Variants in ANKRD45 observed in about 807,000 individuals in gnomAD.
ANKRD45 encodes ankyrin repeat domain-containing protein 45.
In ANKRD45, 21 loss-of-function variants were observed where a neutral mutation model predicts 28.1. The observed-to-expected ratio is 0.75, with a 90% CI of 0.53 to 1.08. The LOEUF is 1.08. Among genes scored for constraint, ANKRD45 ranks in the 50% least tolerant of loss-of-function variants. The probability of loss-of-function intolerance (pLI) is 0.00; values close to 1 mark genes in which losing one functional copy is unlikely to be tolerated. For synonymous variants in ANKRD45, 86 were observed against 103.9 expected, an observed-to-expected ratio of 0.83 and a Z score of 1.05; for missense variants, 261 against 308.7, an observed-to-expected ratio of 0.85 and a Z score of 1.16.
chr1:173,639,313 C>T (rs577109760), intron 3 of ANKRD45, among the ~76,000 whole-genome samples: 1 of 152,178 alleles, frequency 6.6e-6, no homozygotes, highest in Non-Finnish European at 1.5e-5. Context: ...TTTTCTTTCA[C>T]AAGTCAGGGA....
At position 173,659,425 on chromosome 1, in the gene ANKRD45, C is replaced by T. The variant is rs1263195103; in HGVS notation, c.-7G>A. On this transcript the variant is annotated 5_prime_UTR_variant, in exon 2 of 6. It introduces an in-frame stop codon into an upstream open reading frame of the 5' UTR. Coordinates refer to ENST00000333279, the MANE Select transcript of ANKRD45 (RefSeq NM_198493.3). ...GAGGTCCTTCTGACTCCATTAACTC[C>T]AAAAATACCTATGACCAAAAAAATA... The T allele has an allele frequency of 6.6e-7, 1 of 1,520,624 alleles. No individual in the cohort carries two copies. Among genetic ancestry groups the T allele is most frequent in the African/African-American group, 1.4e-5 (1 of 71,728 alleles). 94.2% of individuals were successfully genotyped at this position (1,520,624 alleles called of 1,614,324 possible). A position where few individuals can be genotyped will look rare whatever the true frequency, so the allele number is the denominator to read the frequency against.
intron 5 of ANKRD45, among the ~76,000 whole-genome samples, chr1:173,615,166 C>T (rs1415387300): frequency 1.3e-5 from 2 of 151,934 alleles, no homozygotes; most frequent in Non-Finnish European, 2.9e-5. Context: ...CGCGGTGGCT[C>T]ACAAGGTCAG....
chr1:173,677,184 A>T, the ANKRD45 span, among the ~76,000 whole-genome samples: 7,619 of 146,466 alleles, frequency 0.052, 181 homozygotes, highest in East Asian at 0.077. Context: ...GAAGGATTTT[A>T]AAAAAAAAAA....
At chr1:173,636,574 T>G (rs1042131952) in intron 3 of ANKRD45, among the ~76,000 whole-genome samples, 5 of 152,172 alleles carry the variant, frequency 3.3e-5, no homozygotes, top group African/African-American at 1.2e-4. Context: ...ACCCTAAACA[T>G]AGGACACACT....
intron 3 of ANKRD45, chr1:173,635,523 T>C: frequency 2.6e-6 from 4 of 1,513,346 alleles, no homozygotes; most frequent in Non-Finnish European, 3.5e-6. Context: ...CAAAGAAGGA[T>C]GTCTAATCAA....
rs574403260 is a variant in ANKRD45, at chr1:173,652,893, T to C, written c.329-5880A>G. Among the ~76,000 whole-genome samples, 19 of 152,364 alleles carry C rather than the reference T, an allele frequency of 1.2e-4. No homozygotes were observed. In the East Asian group the frequency reaches 3.3e-3, roughly 26 times the overall value. Reference sequence around the variant, plus strand: ...TCTAGTTTATTTGTGTAGAGGTGTTTATAGTATTGACTGATGGTAGTTTGT... The same window carrying C: ...TCTAGTTTATTTGTGTAGAGGTGTTCATAGTATTGACTGATGGTAGTTTGT... On this transcript the variant is annotated intron_variant, in intron 2 of 5. Coordinates refer to ENST00000333279, the MANE Select transcript of ANKRD45 (RefSeq NM_198493.3).
chr1:173,654,164 G>A (rs981028651), intron 2 of ANKRD45, among the ~76,000 whole-genome samples: 11 of 152,036 alleles, frequency 7.2e-5, no homozygotes, highest in African/African-American at 2.2e-4. Context: ...TATTTTGCCT[G>A]TTAGTTGATG....
At position 173,635,934 on chromosome 1, in the gene ANKRD45, G is replaced by A. The variant is rs1046574647; in HGVS notation, c.497-8775C>T. 4 of 987,594 alleles carry A rather than the reference G, an allele frequency of 4.1e-6. No homozygotes were observed. The African/African-American group carries it at 6.6e-5, about 16-fold the overall frequency. The allele number at this position is 987,594 out of a possible 1,614,324, so 61.2% of individuals were successfully genotyped here. The stretch of plus-strand genomic sequence containing the variant: ...TAGTTTCTTTGAGAGAGGGTACCGT[G>A]TTTTATTCCTCATTGTAACCTTCCC... On this transcript the variant is annotated intron_variant, in intron 3 of 5. Transcript: ENST00000333279.
At chr1:173,653,369 C>G (rs182044302) in intron 2 of ANKRD45, among the ~76,000 whole-genome samples, 2 of 152,318 alleles carry the variant, frequency 1.3e-5, no homozygotes, top group Non-Finnish European at 2.9e-5. Context: ...AGTAGTCATT[C>G]AGGAGCAGAT....
At chr1:173,707,832 G>T in the ANKRD45 span, among the ~76,000 whole-genome samples, 1 of 152,162 alleles carries the variant, frequency 6.6e-6, no homozygotes, top group South Asian at 2.1e-4. Context: ...TGTTGAGACT[G>T]CAGTGAAGTC....
chr1:173,619,695 G>T (rs1010392621), intron 5 of ANKRD45, among the ~76,000 whole-genome samples: 1 of 152,022 alleles, frequency 6.6e-6, no homozygotes, highest in African/African-American at 2.4e-5. Flanking sequence ...AGGTGTGGAA[G>T]TGGGCACCTG....
intron 2 of ANKRD45, among the ~76,000 whole-genome samples, chr1:173,653,279 G>A (rs1669329657): frequency 6.6e-6 from 1 of 152,204 alleles, no homozygotes; most frequent in Admixed American, 6.5e-5. Flanking sequence ...ATGTGTCCCA[G>A]AGATTCTGGT....
upstream of ANKRD45, among the ~76,000 whole-genome samples, chr1:173,670,233 G>A (rs773718307): frequency 5.9e-5 from 9 of 152,172 alleles, no homozygotes; most frequent in Non-Finnish European, 1.3e-4. Flanking sequence ...AGCAAGGAGT[G>A]TTTCAGGCGA....
chr1:173,657,696 C>T (rs1669605921), intron 2 of ANKRD45: 1 of 137,518 alleles, frequency 7.3e-6, no homozygotes, highest in African/African-American at 2.6e-5. Context: ...CTCCTGACCT[C>T]AAGCAATCCT....
At chr1:173,679,011 A>T in the ANKRD45 span, among the ~76,000 whole-genome samples, 3 of 152,352 alleles carry the variant, frequency 2.0e-5, no homozygotes, top group South Asian at 6.2e-4. Context: ...GGACCTCTTC[A>T]AGGAGAACTA....
intron 5 of ANKRD45, among the ~76,000 whole-genome samples, chr1:173,612,117 C>T (rs1174561830): frequency 2.6e-5 from 4 of 151,854 alleles, no homozygotes; most frequent in Admixed American, 1.3e-4. Context: ...GGTGGCATAC[C>T]GCTGTACTCC....
At chr1:173,670,942 G>A (rs565014100), upstream of ANKRD45, among the ~76,000 whole-genome samples, 2 of 152,242 alleles carry the variant, frequency 1.3e-5, no homozygotes, top group South Asian at 2.1e-4. Context: ...TTGCAAGATC[G>A]GGTGTCTGGT....
chr1:173,688,974 G>A, the ANKRD45 span, among the ~76,000 whole-genome samples: 1 of 152,146 alleles, frequency 6.6e-6, no homozygotes, highest in East Asian at 1.9e-4. Context: ...GGAACAAACA[G>A]AGGAGCAAGC....
the ANKRD45 span, among the ~76,000 whole-genome samples, chr1:173,705,381 C>A: frequency 2.0e-5 from 3 of 150,772 alleles, no homozygotes; most frequent in African/African-American, 2.4e-5. Context: ...TAAAAATAGA[C>A]GGCCGAGCAT....
Sources: gnomAD v4.1 joint callset for allele counts (sites outside exome capture counted in the v4.1 genomes callset) on GRCh38, gnomAD v4.1.1 for gene constraint, MANE v1.5 for transcripts, NCBI Gene and HGNC (gene_info 2026-07-23, HGNC 2026-07-21) for gene names.